PIK3CB: variants seen among roughly 807,000 people sequenced by gnomAD.
PIK3CB encodes the protein phosphatidylinositol-4,5-bisphosphate 3-kinase catalytic subunit beta, also known as phosphatidylinositol 4,5-bisphosphate 3-kinase catalytic subunit beta isoform.
A neutral mutation model predicts 136.8 loss-of-function variants in PIK3CB; 39 were observed. The observed-to-expected ratio is 0.29, with a 90% CI of 0.22 to 0.37. The LOEUF (loss-of-function observed/expected upper bound fraction) is 0.37. Among genes scored for constraint, PIK3CB ranks in the 10% least tolerant of loss-of-function variants. The probability of loss-of-function intolerance (pLI) is 1.00; values close to 1 mark genes in which losing one functional copy is unlikely to be tolerated. For synonymous variants in PIK3CB, 428 were observed against 436.6 expected (o/e 0.98, Z 0.25); for missense variants, 868 against 1,275.4 (o/e 0.68, Z 4.87).
At chr3:138,808,818 T>C (rs2046262350) in intron 1 of PIK3CB, among the ~76,000 whole-genome samples, 1 of 151,676 alleles carries the variant, frequency 6.6e-6, no homozygotes, top group African/African-American at 2.4e-5. Flanking sequence ...GTTTTATATG[T>C]GAATATATTA....
Position 138,804,941 on chromosome 3 carries a change from C to T in PIK3CB, c.-121-8374G>A, listed in dbSNP as rs147881826. On this transcript the variant is annotated intron_variant, in intron 1 of 23. Coordinates refer to ENST00000674063, the MANE Select transcript of PIK3CB (RefSeq NM_006219.3). ...TCGGAAAGCTGAGGCAGGAGAATGG[C>T]ATGAACCCGGGAGGCGGAGCTTGCA... Among the ~76,000 whole-genome samples, 1,303 of 152,242 alleles carry T rather than the reference C, an allele frequency of 8.6e-3. 26 individuals carry two copies. Among genetic ancestry groups the T allele is most frequent in the African/African-American group, 0.028 (1,180 of 41,526 alleles).
At chr3:138,695,526 A>C (rs1156572537) in intron 13 of PIK3CB, among the ~76,000 whole-genome samples, 1 of 152,122 alleles carries the variant, frequency 6.6e-6, no homozygotes, top group Non-Finnish European at 1.5e-5. Flanking sequence ...TAATTATGGC[A>C]AGCCCTCCCC....
At position 138,691,215 on chromosome 3, in the gene PIK3CB, A is replaced by G. The variant is rs1333486498; in HGVS notation, c.1893-72T>C. The G allele has an allele frequency of 1.5e-5, 21 of 1,381,222 alleles. No individual in the cohort carries two copies. In the South Asian group the frequency reaches 2.3e-4, roughly 15 times the overall value. 85.6% of individuals were successfully genotyped at this position (1,381,222 alleles called of 1,614,324 possible). On this transcript the variant is annotated intron_variant, in intron 14 of 23. Coordinates refer to ENST00000674063, the MANE Select transcript of PIK3CB (RefSeq NM_006219.3). ...GAAAAAGATCCCTTGGTATCAAACT[A>G]TCAAATGTGAACTTGTTGAAACACA...
At chr3:138,776,202 A>G (rs2045856549) in intron 2 of PIK3CB, among the ~76,000 whole-genome samples, 1 of 147,514 alleles carries the variant, frequency 6.8e-6, no homozygotes, top group African/African-American at 2.4e-5. Context: ...CCATCTCAAC[A>G]AAAAAAAAGA....
intron 19 of PIK3CB, among the ~76,000 whole-genome samples, chr3:138,672,464 AC>A (rs2043554038): frequency 1.3e-5 from 2 of 152,180 alleles, no homozygotes; most frequent in African/African-American, 2.4e-5. Context: ...TCCATTCACA[AC>A]CCAGGGAGCA....
At chr3:138,752,406 C>A (rs1487458943) in intron 4 of PIK3CB, among the ~76,000 whole-genome samples, 1 of 152,190 alleles carries the variant, frequency 6.6e-6, no homozygotes, top group East Asian at 1.9e-4. Context: ...AAGCCATGGT[C>A]ATCACAGACA....
chr3:138,675,985 T>TA (rs559039807), intron 19 of PIK3CB, among the ~76,000 whole-genome samples: 267 of 152,258 alleles, frequency 1.8e-3, no homozygotes, highest in Admixed American at 3.4e-3. Flanking sequence ...TGGAAAAGAA[T>TA]AAAGTTGGAT....
rs144268561 is a variant in PIK3CB at position 138,816,316 on chromosome 3, G to A, written c.-122+18379C>T. On this transcript the variant is annotated intron_variant, in intron 1 of 23. Coordinates refer to ENST00000674063, the MANE Select transcript of PIK3CB (RefSeq NM_006219.3). The stretch of plus-strand genomic sequence containing the variant: ...AATTAAAATAAAATAAAAACCAGCC[G>A]GGCATGGTGGCTCACGCCTATAATT... Among the ~76,000 whole-genome samples, 626 of 152,100 alleles carry A rather than the reference G, an allele frequency of 4.1e-3. 1 individual carries two copies. The highest frequency in any genetic ancestry group is 6.8e-3 in the Non-Finnish European group (465 of 67,998).
chr3:138,758,966 G>A lies in PIK3CB; in HGVS notation c.171+207C>T, dbSNP rs142962967. Among the ~76,000 whole-genome samples, 284 of 152,084 alleles carry A rather than the reference G, an allele frequency of 1.9e-3. 4 individuals carry two copies. In the South Asian group the frequency reaches 0.043, roughly 23 times the overall value. On this transcript the variant is annotated intron_variant, in intron 3 of 23. Coordinates refer to ENST00000674063, the MANE Select transcript of PIK3CB (RefSeq NM_006219.3). ...GCTCAAAGACAGTAATTTCAAAGACGAACTCAAAAGAAAATCTTCTTGACA... is the reference window on the plus strand; with the variant it reads ...GCTCAAAGACAGTAATTTCAAAGACAAACTCAAAAGAAAATCTTCTTGACA...
chr3:138,657,527 G>A, intron 22 of PIK3CB, 163 bp downstream of exon 22: 1 of 574,696 alleles, frequency 1.7e-6, no homozygotes, highest in Non-Finnish European at 3.0e-6. Flanking sequence ...GGGAATTTCT[G>A]AACCAGCACA....
chr3:138,705,174 C>CAAAAAAAAAAAAAAAAAAAAAAAAAA (rs1159172292), intron 11 of PIK3CB, among the ~76,000 whole-genome samples: 1 of 57,062 alleles, frequency 1.8e-5, no homozygotes, highest in Non-Finnish European at 3.0e-5. Context: ...AAAAAAAAAA[C>CAAAAAAAAAAAAAAAAAAAAAAAAAA]AAAAAACAAA....
At chr3:138,815,719 T>C (rs1290504767) in intron 1 of PIK3CB, among the ~76,000 whole-genome samples, 2 of 152,174 alleles carry the variant, frequency 1.3e-5, no homozygotes, top group Non-Finnish European at 2.9e-5. Context: ...CATACAGTAG[T>C]ACACAGTATA....
intron 4 of PIK3CB, among the ~76,000 whole-genome samples, chr3:138,746,727 G>C (rs1252097949): frequency 6.6e-6 from 1 of 151,430 alleles, no homozygotes; most frequent in African/African-American, 2.4e-5. Context: ...ACCATCCTTT[G>C]CTAGCATTAA....
At chr3:138,725,838 C>A (rs1292861830) in intron 8 of PIK3CB, among the ~76,000 whole-genome samples, 1 of 152,150 alleles carries the variant, frequency 6.6e-6, no homozygotes, top group Non-Finnish European at 1.5e-5. Context: ...TCACTGACGT[C>A]TATTGAACTA....
chr3:138,672,668 C>T (rs544985419), intron 19 of PIK3CB, among the ~76,000 whole-genome samples: 1 of 151,822 alleles, frequency 6.6e-6, no homozygotes, highest in East Asian at 1.9e-4. Flanking sequence ...GCACTTTGAC[C>T]TGGGAGATGG....
chr3:138,725,200 GT>G (rs759966455), intron 8 of PIK3CB, among the ~76,000 whole-genome samples: 5 of 151,018 alleles, frequency 3.3e-5, no homozygotes, highest in Non-Finnish European at 4.4e-5. Flanking sequence ...TATTTTTAAT[GT>G]TTAAGATTAA....
At position 138,755,730 on chromosome 3, in the gene PIK3CB, CT is replaced by C. The variant is rs567365442; in HGVS notation, c.397+23del. The C allele has an allele frequency of 9.7e-4, 1,108 of 1,141,676 alleles. 5 individuals carry two copies. The highest frequency in any genetic ancestry group is 4.7e-3 in the South Asian group (341 of 73,194). 70.7% of individuals were successfully genotyped at this position (1,141,676 alleles called of 1,614,324 possible). On this transcript the variant is annotated intron_variant, in intron 4 of 23. Transcript: ENST00000674063. ...TAAATAGATATATTAAGAATTTGTACTTTTTTTTTATTTTTTAATTTACCTT... is the reference window on the plus strand; with the variant it reads ...TAAATAGATATATTAAGAATTTGTACTTTTTTTTATTTTTTAATTTACCTT...
At chr3:138,663,858 A>G in intron 21 of PIK3CB, 48 bp downstream of exon 21, 1 of 1,584,946 alleles carries the variant, frequency 6.3e-7, no homozygotes. Context: ...GCTATACATA[A>G]GAAATAGCAT....
chr3:138,739,675 C>A (rs572006779), intron 5 of PIK3CB, among the ~76,000 whole-genome samples: 3 of 147,600 alleles, frequency 2.0e-5, no homozygotes, highest in Non-Finnish European at 4.5e-5. Flanking sequence ...CCGAGGCGGG[C>A]GGATCACTTA....
Sources: gnomAD v4.1 joint callset for allele counts (sites outside exome capture counted in the v4.1 genomes callset) on GRCh38, gnomAD v4.1.1 for gene constraint, MANE v1.5 for transcripts, NCBI Gene and HGNC (gene_info 2026-07-23, HGNC 2026-07-21) for gene names.